The following NFAT5 variants were observed in gnomAD, a reference collection of about 807,000 sequenced individuals.
NFAT5 encodes nuclear factor of activated T-cells 5.
In NFAT5, 31 loss-of-function variants were observed where a neutral mutation model predicts 166.5. That is an observed-to-expected ratio of 0.19 (90% CI 0.14 to 0.25). The LOEUF is 0.25. NFAT5 is among the 10% of genes least tolerant of loss of function. The pLI, the probability that NFAT5 is intolerant of heterozygous loss-of-function variation, is 1.00. For synonymous variants in NFAT5, 612 were observed against 639.7 expected, an observed-to-expected ratio of 0.96 and a Z score of 0.65; for missense variants, 1,449 against 1,821.8, an observed-to-expected ratio of 0.80 and a Z score of 3.72.
At chr16:69,568,844 A>C (rs1038963460) in intron 2 of NFAT5, among the ~76,000 whole-genome samples, 2 of 152,236 alleles carry the variant, frequency 1.3e-5, no homozygotes, top group African/African-American at 2.4e-5. Context: ...TTTTATACAC[A>C]AAATAGAATG....
chr16:69,660,972 G>C (rs963896283), intron 7 of NFAT5, among the ~76,000 whole-genome samples: 2 of 151,522 alleles, frequency 1.3e-5, no homozygotes, highest in South Asian at 4.2e-4. Flanking sequence ...CTAGCACCTG[G>C]CTAATTTTTG....
At chr16:69,616,082 C>G (rs2033930158) in intron 2 of NFAT5, among the ~76,000 whole-genome samples, 1 of 152,102 alleles carries the variant, frequency 6.6e-6, no homozygotes, top group African/African-American at 2.4e-5. Flanking sequence ...CTTCCCTACC[C>G]CATTTGAACT....
In NFAT5 at chr16:69,592,080, C is replaced by CTTTTTTT. The variant is rs3037496; in HGVS notation, c.127+23543_127+23549dup. Among the ~76,000 whole-genome samples the CTTTTTTT allele has an allele frequency of 1.4e-4, 17 of 118,118 alleles. 2 individuals are homozygous for CTTTTTTT. The highest frequency in any genetic ancestry group is 1.7e-4 in the Non-Finnish European group (10 of 60,384). 77.5% of individuals were successfully genotyped at this position (118,118 alleles called of 152,430 possible). A position where few individuals can be genotyped will look rare whatever the true frequency, so the allele number is the denominator to read the frequency against. ...AAAAGGAAAATGATAATTACTTTTT[C>CTTTTTTT]TTTTTTTTTTTTTTTTTGAGAAGGA... On this transcript the variant is annotated intron_variant, in intron 2 of 14. Transcript: ENST00000349945.
At chr16:69,676,518 T>C (rs181238713) in intron 9 of NFAT5, among the ~76,000 whole-genome samples, 3 of 152,350 alleles carry the variant, frequency 2.0e-5, no homozygotes, top group Non-Finnish European at 2.9e-5. Flanking sequence ...ATATTTTTTT[T>C]CTAATAATTT....
At chr16:69,672,998 C>A (rs1386704568) in intron 9 of NFAT5, among the ~76,000 whole-genome samples, 3 of 146,052 alleles carry the variant, frequency 2.1e-5, no homozygotes, top group Non-Finnish European at 4.5e-5. Context: ...AAGTTATCCT[C>A]CCTCCCTACC....
Position 69,699,431 on chromosome 16 carries a change from G to C in NFAT5, c.*3080G>C, listed in dbSNP as rs923706347. The C allele has an allele frequency of 6.6e-6, 1 of 152,514 alleles. No individual in the cohort carries two copies. The highest frequency in any genetic ancestry group is 1.9e-4 in the East Asian group (1 of 5,200). The allele number at this position is 152,514 out of a possible 1,614,324, so 9.4% of individuals were successfully genotyped here. A position where few individuals can be genotyped will look rare whatever the true frequency, so the allele number is the denominator to read the frequency against. On this transcript the variant is annotated 3_prime_UTR_variant, in exon 15 of 15. Transcript: ENST00000349945. ...AAATTTTGTGGTTATTTATACAAGG[G>C]CTGTGCTATGCTACCATATTCTTGT...
intron 2 of NFAT5, among the ~76,000 whole-genome samples, chr16:69,603,673 G>T (rs2033257692): frequency 6.6e-6 from 1 of 152,120 alleles, no homozygotes; most frequent in Non-Finnish European, 1.5e-5. Flanking sequence ...GATGGCTTGA[G>T]CCTGGGAGGC....
intron 2 of NFAT5, among the ~76,000 whole-genome samples, chr16:69,568,913 T>C (rs978338714): frequency 5.3e-5 from 8 of 152,230 alleles, no homozygotes; most frequent in Non-Finnish European, 1.0e-4. Flanking sequence ...CATAATTAGT[T>C]TGAAAATTCA....
At chr16:69,567,014 ATTTTC>A (rs202217965) in intron 1 of NFAT5, among the ~76,000 whole-genome samples, 1,748 of 151,652 alleles carry the variant, frequency 0.012, 25 homozygotes, top group African/African-American at 0.037. Flanking sequence ...AAGGGCCCGA[ATTTTC>A]TTTTCTTTTT....
intron 3 of NFAT5, among the ~76,000 whole-genome samples, chr16:69,629,967 C>T (rs1352080023): frequency 2.0e-5 from 3 of 150,336 alleles, no homozygotes; most frequent in African/African-American, 7.3e-5. Context: ...AACAGAGTCT[C>T]ACTCTGTCGC....
chr16:69,590,752 T>C (rs2032410426), intron 2 of NFAT5, among the ~76,000 whole-genome samples: 1 of 152,254 alleles, frequency 6.6e-6, no homozygotes, highest in Non-Finnish European at 1.5e-5. Context: ...TTAAAATGGC[T>C]ACCTTTCTTG....
chr16:69,627,581 A>G (rs891875366), intron 3 of NFAT5, among the ~76,000 whole-genome samples: 5 of 152,242 alleles, frequency 3.3e-5, no homozygotes, highest in Middle Eastern at 3.4e-3. Context: ...TATTTCTCAT[A>G]TGCATTAACC....
rs573192425 is a variant in NFAT5 at position 69,661,890 on chromosome 16, T to C, written c.1369+1991T>C. Among the ~76,000 whole-genome samples, 36 of 152,284 alleles carry C rather than the reference T, an allele frequency of 2.4e-4. No individual in the cohort carries two copies. In the South Asian group the frequency reaches 6.0e-3, roughly 25 times the overall value. The stretch of plus-strand genomic sequence containing the variant: ...AAACAGGCAAGTAAATGTCTAATTT[T>C]ATAGTAAAATTATATTAACTTCCAT... On this transcript the variant is annotated intron_variant, in intron 7 of 14. Coordinates refer to ENST00000349945, the MANE Select transcript of NFAT5 (RefSeq NM_138713.4).
chr16:69,669,850 C>A, intron 7 of NFAT5, 127 bp from the exon 8 acceptor site: 1 of 776,450 alleles, frequency 1.3e-6, no homozygotes, highest in Non-Finnish European at 1.9e-6. Context: ...AATTGTGTAA[C>A]TATAAAAATA....
At chr16:69,588,976 A>ACTT (rs1464305093) in intron 2 of NFAT5, among the ~76,000 whole-genome samples, 2 of 74,224 alleles carry the variant, frequency 2.7e-5, no homozygotes, top group Non-Finnish European at 2.7e-5. Flanking sequence ...CTCTTTTCCT[A>ACTT]CTTCTTTTTT....
chr16:69,582,737 G>A (rs1473324453), intron 2 of NFAT5, among the ~76,000 whole-genome samples: 1 of 145,790 alleles, frequency 6.9e-6, no homozygotes. Flanking sequence ...TGTCTATCCT[G>A]TGTCAATACC....
At chr16:69,614,211 A>C (rs925116196) in intron 2 of NFAT5, among the ~76,000 whole-genome samples, 2 of 148,780 alleles carry the variant, frequency 1.3e-5, no homozygotes, top group African/African-American at 5.0e-5. Context: ...CCTAGGATGT[A>C]GTGGCACAAT....
intron 6 of NFAT5, among the ~76,000 whole-genome samples, chr16:69,658,170 G>A (rs911051524): frequency 6.6e-6 from 1 of 151,648 alleles, no homozygotes; most frequent in Non-Finnish European, 1.5e-5. Flanking sequence ...TATAAAAATA[G>A]TACTTATTCA....
intron 7 of NFAT5, among the ~76,000 whole-genome samples, chr16:69,664,409 C>A (rs1259097387): frequency 6.6e-6 from 1 of 152,118 alleles, no homozygotes; most frequent in African/African-American, 2.4e-5. Flanking sequence ...CTCAGCCTCC[C>A]GAGTAGCTGG....
Sources: allele counts gnomAD v4.1 joint callset (sites outside exome capture counted in the v4.1 genomes callset), GRCh38; gene constraint gnomAD v4.1.1; transcripts MANE v1.5; gene names NCBI Gene and HGNC (gene_info 2026-07-23, HGNC 2026-07-21).